VPS53: variants seen among roughly 807,000 people sequenced by gnomAD.
The protein encoded by VPS53 is vacuolar protein sorting-associated protein 53 homolog.
Under a neutral mutation model 107.0 loss-of-function variants are expected in VPS53, and 70 were observed. That is an observed-to-expected ratio of 0.65 (90% CI 0.54 to 0.80). VPS53 has a LOEUF of 0.80. Ranked by LOEUF, VPS53 falls within the 30% of genes least tolerant of loss-of-function variation. The pLI is 0.00. For missense variants in VPS53, 917 were observed against 1,049.4 expected, an observed-to-expected ratio of 0.87 and a Z score of 1.74; for synonymous variants, 409 against 393.3, an observed-to-expected ratio of 1.04 and a Z score of -0.47.
At chr17:552,025 T>C in intron 16 of VPS53, 75 bp from the exon 17 acceptor site, 2 of 1,375,230 alleles carry the variant, frequency 1.5e-6, no homozygotes, top group South Asian at 1.3e-5. Flanking sequence ...CAGGCCCCTG[T>C]GTAAAAATCA....
chr17:557,519 T>C (rs1033612518), intron 15 of VPS53, among the ~76,000 whole-genome samples: 2 of 152,132 alleles, frequency 1.3e-5, no homozygotes, highest in African/African-American at 4.8e-5. Flanking sequence ...ACACTAATAG[T>C]CTTTGATATT....
intron 17 of VPS53, among the ~76,000 whole-genome samples, chr17:547,865 G>A (rs942238031): frequency 6.6e-6 from 1 of 152,064 alleles, no homozygotes; most frequent in African/African-American, 2.4e-5. Flanking sequence ...CCTAACCTCA[G>A]ATGATTTGCA....
chr17:672,919 T>C (rs1171986154), intron 4 of VPS53, among the ~76,000 whole-genome samples: 1 of 152,154 alleles, frequency 6.6e-6, no homozygotes, highest in Non-Finnish European at 1.5e-5. Flanking sequence ...GAGACCATCC[T>C]GGCGAACACG....
At chr17:627,580 G>C (rs1263951021) in intron 9 of VPS53, among the ~76,000 whole-genome samples, 3 of 152,144 alleles carry the variant, frequency 2.0e-5, no homozygotes, top group Non-Finnish European at 4.4e-5. Flanking sequence ...TTCGAGACCA[G>C]CCTGACCAAC....
chr17:601,218 C>T (rs1037648578), intron 12 of VPS53: 4 of 152,218 alleles, frequency 2.6e-5, no homozygotes, highest in East Asian at 1.9e-4. Flanking sequence ...TAACCAAAAA[C>T]ACCATTCTGT....
chr17:633,352 G>C lies in VPS53; in HGVS notation c.609-1724C>G, dbSNP rs576426130. Among the ~76,000 whole-genome samples, 4 of 152,260 alleles carry C rather than the reference G, an allele frequency of 2.6e-5. No individual in the cohort carries two copies. The East Asian group carries it at 7.7e-4, about 29-fold the overall frequency. On this transcript the variant is annotated intron_variant, in intron 7 of 21. Transcript: ENST00000437048. ...GCCCTGCTGGGCTTCCTGAGCCTGA[G>C]GCAAATACTGTCTGGTTGCTAAAAA...
At chr17:700,585 T>G (rs1428620958) in intron 2 of VPS53, among the ~76,000 whole-genome samples, 3 of 152,160 alleles carry the variant, frequency 2.0e-5, no homozygotes, top group Admixed American at 2.0e-4. Context: ...TGTCTGTATT[T>G]TATAATTATT....
intron 4 of VPS53, among the ~76,000 whole-genome samples, chr17:662,821 G>A (rs1277941684): frequency 0.048 from 4,508 of 94,262 alleles, 274 homozygotes; most frequent in Middle Eastern, 0.12. Flanking sequence ...AAGAAAGAAA[G>A]AGAAAGAGAA....
At chr17:669,591 T>TAA (rs1321522568) in intron 4 of VPS53, among the ~76,000 whole-genome samples, 4 of 46,240 alleles carry the variant, frequency 8.7e-5, no homozygotes, top group African/African-American at 1.3e-4. Flanking sequence ...ATACTCTGTC[T>TAA]TAAAAAAAAA....
chr17:641,897 A>C (rs570541251), intron 7 of VPS53, among the ~76,000 whole-genome samples: 50 of 152,320 alleles, frequency 3.3e-4, no homozygotes, highest in Non-Finnish European at 6.3e-4. Context: ...CAAAAGATTC[A>C]TTGTGCTGCC....
At chr17:640,349 G>A (rs920110060) in intron 7 of VPS53, among the ~76,000 whole-genome samples, 3 of 152,024 alleles carry the variant, frequency 2.0e-5, no homozygotes, top group South Asian at 2.1e-4. Context: ...TGCGCTTCCC[G>A]GGTGACGCGA....
In VPS53 at chr17:516,684, C is replaced by T. The variant is rs1908337578; in HGVS notation, c.*2444G>A. The stretch of plus-strand genomic sequence containing the variant: ...GCCGGCATCTGTAGATTTTAAAAGG[C>T]CCCAGTGGTTCTGATGCACACCCCC... On this transcript the variant is annotated 3_prime_UTR_variant, in exon 22 of 22. Transcript: ENST00000437048. The T allele has an allele frequency of 6.6e-6, 1 of 152,264 alleles. No homozygotes were observed. Among genetic ancestry groups the T allele is most frequent in the Non-Finnish European group, 1.5e-5 (1 of 68,106 alleles). The allele number at this position is 152,264 out of a possible 1,614,324, so 9.4% of individuals were successfully genotyped here. A position where few individuals can be genotyped will look rare whatever the true frequency, so the allele number is the denominator to read the frequency against.
chr17:593,413 A>T (rs1463226666), intron 12 of VPS53, among the ~76,000 whole-genome samples: 1 of 152,214 alleles, frequency 6.6e-6, no homozygotes, highest in East Asian at 1.9e-4. Context: ...TACTCATCTG[A>T]CAAAGGGCTA....
chr17:548,944 A>G (rs1408268638), intron 17 of VPS53, among the ~76,000 whole-genome samples: 2 of 152,182 alleles, frequency 1.3e-5, no homozygotes, highest in Admixed American at 6.5e-5. Flanking sequence ...CCACCTGGAT[A>G]TGAACTCCTC....
rs554145433 is a variant in VPS53 at position 541,803 on chromosome 17, C to G, written c.1867-4627G>C. 2.7e-3 allele frequency among the ~76,000 whole-genome samples: 404 copies of G among 148,518 alleles called. 1 individual carries two copies. The highest frequency in any genetic ancestry group is 4.1e-3 in the Non-Finnish European group (279 of 67,358). On this transcript the variant is annotated intron_variant, in intron 17 of 21. Transcript: ENST00000437048. ...CGCTGAAGGAACGTTTATCAAGCACCTACCACGCACTGAAGGAACGTTTAT... is the reference window on the plus strand; with the variant it reads ...CGCTGAAGGAACGTTTATCAAGCACGTACCACGCACTGAAGGAACGTTTAT...
intron 19 of VPS53, among the ~76,000 whole-genome samples, chr17:527,305 A>G (rs1332668956): frequency 6.6e-6 from 1 of 152,090 alleles, no homozygotes; most frequent in Non-Finnish European, 1.5e-5. Context: ...CTCTCACTGT[A>G]GCTAGTTGCC....
intron 15 of VPS53, among the ~76,000 whole-genome samples, chr17:556,783 G>A (rs373372503): frequency 3.4e-5 from 5 of 145,846 alleles, no homozygotes; most frequent in African/African-American, 1.3e-4. Context: ...ACTAATGGGG[G>A]CGCCAGATAA....
At chr17:592,818 C>A (rs1393710971) in intron 12 of VPS53, among the ~76,000 whole-genome samples, 5 of 152,148 alleles carry the variant, frequency 3.3e-5, no homozygotes, top group Admixed American at 1.3e-4. Flanking sequence ...CTGCCCCTGA[C>A]ATTTTTTCCT....
Position 520,655 on chromosome 17 carries a change from G to A in VPS53, c.2224-725C>T, listed in dbSNP as rs16953138. 0.022 allele frequency among the ~76,000 whole-genome samples: 3,395 copies of A among 152,274 alleles called. 268 individuals carry two copies. The East Asian group carries it at 0.23, about 10-fold the overall frequency. ...TTTGTTTTGAATTCCTGAGACTGAA[G>A]GGAAGAGTGGCGAGGAGGAGTTCAC... On this transcript the variant is annotated intron_variant, in intron 20 of 21. Coordinates refer to ENST00000437048, the MANE Select transcript of VPS53 (RefSeq NM_001128159.3). This position sits in a 1 kb window ranked among gnomAD's most constrained non-coding sequence, Gnocchi z 4.4.
Sources: allele counts gnomAD v4.1 joint callset (sites outside exome capture counted in the v4.1 genomes callset), GRCh38; gene constraint gnomAD v4.1.1; non-coding constraint Gnocchi (gnomAD v3.1); transcripts MANE v1.5; gene names NCBI Gene and HGNC (gene_info 2026-07-23, HGNC 2026-07-21).